MAPK10: variants seen among roughly 807,000 people sequenced by gnomAD.
MAPK10 encodes the protein JNK3 alpha protein kinase.
Under a neutral mutation model 59.3 loss-of-function variants are expected in MAPK10, and 25 were observed. That is an observed-to-expected ratio of 0.42 (90% CI 0.31 to 0.59). MAPK10 has a LOEUF of 0.59. Ranked by LOEUF, MAPK10 falls within the 20% of genes least tolerant of loss-of-function variation. MAPK10 has a pLI of 0.15. For missense variants in MAPK10, 351 were observed against 568.9 expected (o/e 0.62, Z 3.90); for synonymous variants, 190 against 200.5 (o/e 0.95, Z 0.44).
intron 1 of MAPK10, among the ~76,000 whole-genome samples, chr4:86,420,823 T>C (rs910890561): frequency 8.6e-5 from 13 of 151,934 alleles, no homozygotes; most frequent in African/African-American, 3.1e-4. Flanking sequence ...GGCTCACGCC[T>C]GTAATCCCAG....
At chr4:86,061,206 C>T (rs1003659279) in intron 11 of MAPK10, among the ~76,000 whole-genome samples, 1 of 152,150 alleles carries the variant, frequency 6.6e-6, no homozygotes, top group Non-Finnish European at 1.5e-5. Context: ...CCTAACTCAT[C>T]TTTCATACCT....
At chr4:86,150,273 T>C (rs1237168750) in intron 4 of MAPK10, among the ~76,000 whole-genome samples, 1 of 152,174 alleles carries the variant, frequency 6.6e-6, no homozygotes, top group Admixed American at 6.5e-5. Flanking sequence ...TACAGCGTGA[T>C]ACAATGGACT....
chr4:86,541,947 GCA>G (rs10555824), intron 1 of MAPK10, among the ~76,000 whole-genome samples: 46,318 of 140,058 alleles, frequency 0.33, 7,730 homozygotes, highest in South Asian at 0.56. Flanking sequence ...GAATACACCG[GCA>G]CACACACACA....
chr4:86,357,928 TA>T, intron 1 of MAPK10: 2 of 224,022 alleles, frequency 8.9e-6, no homozygotes, highest in Non-Finnish European at 1.5e-5. Context: ...GAAGACTCTC[TA>T]ATATTTAAGG....
In MAPK10 at chr4:86,013,430, C is replaced by T. The variant is rs1429085441; in HGVS notation, c.*3798G>A. On this transcript the variant is annotated 3_prime_UTR_variant, in exon 14 of 14. Transcript: ENST00000641462. ...GAGCAATTTTACTCCTCTTTCTGAGCTGTAGAAGAATACATTTTTCAGCAA... is the reference window on the plus strand; with the variant it reads ...GAGCAATTTTACTCCTCTTTCTGAGTTGTAGAAGAATACATTTTTCAGCAA... The T allele has an allele frequency of 6.6e-6, 1 of 152,154 alleles. No homozygotes were observed. The highest frequency in any genetic ancestry group is 2.4e-5 in the African/African-American group (1 of 41,446). 9.4% of individuals were successfully genotyped at this position (152,154 alleles called of 1,614,324 possible).
chr4:86,315,837 T>G (rs1408548632), intron 2 of MAPK10, among the ~76,000 whole-genome samples: 1 of 152,168 alleles, frequency 6.6e-6, no homozygotes, highest in Non-Finnish European at 1.5e-5. Flanking sequence ...CAACTTCAAA[T>G]GCAGATTATA....
chr4:86,428,763 AC>A (rs1394256086), intron 1 of MAPK10, among the ~76,000 whole-genome samples: 2 of 152,204 alleles, frequency 1.3e-5, no homozygotes, highest in Non-Finnish European at 1.5e-5. Flanking sequence ...TCTTTTTTTA[AC>A]ACAAATTCTC....
chr4:86,220,547 A>G (rs1309401098), intron 2 of MAPK10, among the ~76,000 whole-genome samples: 2 of 152,240 alleles, frequency 1.3e-5, no homozygotes, highest in Non-Finnish European at 2.9e-5. Flanking sequence ...GAATTTAAAT[A>G]AAAAGAGAGA....
chr4:86,453,011 G>A (rs376318231), intron 1 of MAPK10: 7 of 152,350 alleles, frequency 4.6e-5, no homozygotes, highest in African/African-American at 1.7e-4. Flanking sequence ...TAGATTATCC[G>A]AGAAGATTCT....
At chr4:86,031,286 A>G (rs2038961979) in intron 12 of MAPK10, 82 bp downstream of exon 12, 1 of 990,720 alleles carries the variant, frequency 1.0e-6, no homozygotes, top group Admixed American at 2.1e-5. Context: ...TTTTTAGTAA[A>G]TTGTTTTACA....
At chr4:86,245,158 G>A (rs999187885) in intron 2 of MAPK10, among the ~76,000 whole-genome samples, 1 of 152,106 alleles carries the variant, frequency 6.6e-6, no homozygotes, top group Non-Finnish European at 1.5e-5. Context: ...TGGGTAGCCT[G>A]TCTCTTTTAG....
chr4:86,085,794 C>T lies in MAPK10; in HGVS notation c.802+12730G>A, dbSNP rs542309667. 1.8e-4 allele frequency among the ~76,000 whole-genome samples: 28 copies of T among 152,256 alleles called. No individual in the cohort carries two copies. In the South Asian group the frequency reaches 4.6e-3, roughly 25 times the overall value. On this transcript the variant is annotated intron_variant, in intron 9 of 13. Coordinates refer to ENST00000641462, the MANE Select transcript of MAPK10 (RefSeq NM_138982.4). ...TATATCGAAGAGATATCTGCACTGC[C>T]GTGTTTGTTGCAGCACTGTTGACGA...
chr4:86,459,320 T>C (rs2149060315), intron 1 of MAPK10, among the ~76,000 whole-genome samples: 1 of 152,256 alleles, frequency 6.6e-6, no homozygotes, highest in African/African-American at 2.4e-5. Flanking sequence ...CATAAACTAG[T>C]AAAACCACTA....
intron 4 of MAPK10, among the ~76,000 whole-genome samples, chr4:86,153,845 A>G (rs983592362): frequency 6.6e-6 from 1 of 152,278 alleles, no homozygotes; most frequent in South Asian, 2.1e-4. Flanking sequence ...AACCTGCTAC[A>G]TATATAAAAG....
At chr4:86,224,781 T>A (rs1217667450) in intron 2 of MAPK10, among the ~76,000 whole-genome samples, 1 of 152,174 alleles carries the variant, frequency 6.6e-6, no homozygotes, top group Non-Finnish European at 1.5e-5. Flanking sequence ...CCCTCAAAAT[T>A]AGAAAATAAG....
At chr4:86,168,072 G>T (rs1192727297) in intron 3 of MAPK10, among the ~76,000 whole-genome samples, 1 of 152,076 alleles carries the variant, frequency 6.6e-6, no homozygotes. Context: ...CAAGCATTCT[G>T]AGAGGACAGC....
intron 1 of MAPK10, among the ~76,000 whole-genome samples, chr4:86,589,100 A>G (rs1225842117): frequency 6.6e-6 from 1 of 152,220 alleles, no homozygotes; most frequent in Non-Finnish European, 1.5e-5. Flanking sequence ...AAAATGTGAA[A>G]AACAAAGCCA....
At chr4:86,248,234 C>T in intron 2 of MAPK10, among the ~76,000 whole-genome samples, 1 of 152,102 alleles carries the variant, frequency 6.6e-6, no homozygotes, top group African/African-American at 2.4e-5. Context: ...ATTTTTAAAG[C>T]TTGTGTTTCA....
At chr4:86,031,994 C>G (rs2039140427) in intron 11 of MAPK10, 1 of 152,186 alleles carries the variant, frequency 6.6e-6, no homozygotes, top group Admixed American at 6.5e-5. Flanking sequence ...TTGCTGTGTG[C>G]CCTATACTTA....
Sources: allele counts gnomAD v4.1 joint callset (sites outside exome capture counted in the v4.1 genomes callset), GRCh38; gene constraint gnomAD v4.1.1; transcripts MANE v1.5; gene names NCBI Gene and HGNC (gene_info 2026-07-23, HGNC 2026-07-21).